Variants in DOLPP1 observed in about 807,000 individuals in gnomAD.
DOLPP1 encodes the protein dolichyl pyrophosphate phosphatase 1.
Under a neutral mutation model 34.1 loss-of-function variants are expected in DOLPP1, and 15 were observed. The ratio of observed to expected loss-of-function variants is 0.44; its 90% CI spans 0.29 to 0.68. DOLPP1 has a LOEUF of 0.68. DOLPP1 is among the 30% of genes least tolerant of loss of function. DOLPP1 has a pLI of 0.12. For missense variants in DOLPP1, 249 were observed against 307.1 expected (o/e 0.81, Z 1.41); for synonymous variants, 130 against 128.2 (o/e 1.01, Z -0.10).
At position 129,089,434 on chromosome 9, in the gene DOLPP1, C is replaced by T. The variant is rs1321622718; in HGVS notation, c.*427C>T. The T allele has an allele frequency of 4.1e-5, 7 of 170,142 alleles. No individual in the cohort carries two copies. Among genetic ancestry groups the T allele is most frequent in the Admixed American group, 2.8e-4 (5 of 17,858 alleles). The allele number at this position is 170,142 out of a possible 1,614,324, so 10.5% of individuals were successfully genotyped here. ...TTTGGAGCTGGAAGAATCTGCTCTC[C>T]GGTGGCTGCCCTGTGAACAGAGGGC... On this transcript the variant is annotated 3_prime_UTR_variant, in exon 8 of 8. Transcript: ENST00000372546. This position sits in a 1 kb window ranked among gnomAD's most constrained non-coding sequence, Gnocchi z 4.9.
At chr9:129,082,205 C>T (rs1479373255) in intron 1 of DOLPP1, among the ~76,000 whole-genome samples, 7 of 152,142 alleles carry the variant, frequency 4.6e-5, no homozygotes, top group Non-Finnish European at 1.5e-5. Context: ...TGCTGTCTTG[C>T]GAGATGTGAG....
In DOLPP1 at chr9:129,081,175, C is replaced by T. The variant is rs927390485; in HGVS notation, c.44C>T (p.Pro15Leu). Residue 15 changes from proline to leucine, a missense_variant, in exon 1 of 8, where the codon CCG becomes CTG. Pro to Leu is a moderately conservative substitution (Grantham distance 98). Coordinates refer to ENST00000372546, the MANE Select transcript of DOLPP1 (RefSeq NM_020438.5). ...TGCTCGCTCCCCGCTTCATGGCGGC[C>T]GGTGACCCTCACCCACGTCGAATAT... ...GQCSLPASWRPVTLTHVEYPA... is the reference protein window; with the variant it reads ...GQCSLPASWRLVTLTHVEYPA... 7 of 1,609,888 alleles carry T rather than the reference C, an allele frequency of 4.3e-6. No homozygotes were observed. The highest frequency in any genetic ancestry group is 1.3e-5 in the African/African-American group (1 of 74,792).
chr9:129,082,710 C>T (rs144732168), intron 1 of DOLPP1, among the ~76,000 whole-genome samples: 2 of 152,316 alleles, frequency 1.3e-5, no homozygotes, highest in Non-Finnish European at 2.9e-5. Context: ...TGGTTCCCTG[C>T]ACTTCTCCGT....
Position 129,086,744 on chromosome 9 carries a change from G to A in DOLPP1, c.626G>A (p.Ser209Asn), listed in dbSNP as rs746619260. 2 of 1,613,988 alleles carry A rather than the reference G, an allele frequency of 1.2e-6. No homozygotes were observed. The highest frequency in any genetic ancestry group is 8.5e-7 in the Non-Finnish European group (1 of 1,180,024). Reference sequence around the variant, plus strand: ...GAGTTCTTCCTAATCCGAGACACAAGCCTCATTCCCAACGTACTCTGGTTT... The same window carrying A: ...GAGTTCTTCCTAATCCGAGACACAAACCTCATTCCCAACGTACTCTGGTTT... Reference protein sequence around the residue: ...VSEFFLIRDTSLIPNVLWFEY... With the variant: ...VSEFFLIRDTNLIPNVLWFEY... The change falls in exon 7 of 8, where the codon AGC becomes AAC. Residue 209 changes from serine to asparagine, a missense_variant. Ser to Asn is a conservative substitution (Grantham distance 46, BLOSUM62 1). Transcript: ENST00000372546.
chr9:129,084,576 C>T, intron 1 of DOLPP1, 92 bp from the exon 2 acceptor site: 2 of 971,596 alleles, frequency 2.1e-6, no homozygotes, highest in South Asian at 1.3e-5. Context: ...CTGCCGGGAC[C>T]TCCTTTCTGG....
chr9:129,085,683 G>C lies in DOLPP1; in HGVS notation c.461+67G>C. Reference sequence around the variant, plus strand: ...GGGGTCCTGCTGGTTCCTGGTCCCTGTCGGACCCCACCATGGACCCTAGTC... The same window carrying C: ...GGGGTCCTGCTGGTTCCTGGTCCCTCTCGGACCCCACCATGGACCCTAGTC... On this transcript the variant is annotated intron_variant, in intron 5 of 7. Coordinates refer to ENST00000372546, the MANE Select transcript of DOLPP1 (RefSeq NM_020438.5). This position sits in a 1 kb window ranked among gnomAD's most constrained non-coding sequence, Gnocchi z 7.0. The C allele has an allele frequency of 2.3e-6, 3 of 1,313,120 alleles. No homozygotes were observed. Among genetic ancestry groups the C allele is most frequent in the Non-Finnish European group, 3.2e-6 (3 of 939,346 alleles). The allele number at this position is 1,313,120 out of a possible 1,614,324, so 81.3% of individuals were successfully genotyped here.
chr9:129,083,055 G>T (rs1846920156), intron 1 of DOLPP1, among the ~76,000 whole-genome samples: 1 of 152,178 alleles, frequency 6.6e-6, no homozygotes, highest in African/African-American at 2.4e-5. Flanking sequence ...AGTAGGACAG[G>T]GCACGATGCG....
In DOLPP1 at chr9:129,085,216, C is replaced by G; in HGVS notation, c.272C>G (p.Thr91Arg). 1.9e-6 allele frequency: 3 copies of G among 1,614,018 alleles called. No individual in the cohort carries two copies. The highest frequency in any genetic ancestry group is 2.5e-6 in the Non-Finnish European group (3 of 1,179,942). Residue 91 changes from threonine to arginine, a missense_variant, in exon 4 of 8, where the codon ACA (threonine) becomes AGA (arginine). Transcript: ENST00000372546. The surrounding 1 kb of genome is among the most constrained non-coding windows in gnomAD (Gnocchi z 7.0). The stretch of plus-strand genomic sequence containing the variant: ...CTCCTCTCTCTCCCAGGCCCCCACA[C>G]AGCAGTGGGCACCAAGTACGGGATG... ...QEPRPCGGPH[T>R]AVGTKYGMPS...
Position 129,086,235 on chromosome 9 carries a change from C to G in DOLPP1, c.558C>G (p.Val186=). ...AIAWFIFTQE[V]LTPLFPRIAA... ...CCTGGTTCATCTTCACCCAGGAGGT[C>G]CTCACCCCGCTGTTCCCCAGGATAG... Residue 186 remains valine (V), a synonymous_variant, in exon 6 of 8, where the codon GTC becomes GTG. Coordinates refer to ENST00000372546, the MANE Select transcript of DOLPP1 (RefSeq NM_020438.5). The G allele has an allele frequency of 6.2e-7, 1 of 1,613,490 alleles. No individual in the cohort carries two copies. Among genetic ancestry groups the G allele is most frequent in the Non-Finnish European group, 8.5e-7 (1 of 1,179,970 alleles).
intron 1 of DOLPP1, among the ~76,000 whole-genome samples, chr9:129,082,393 T>C (rs1034017425): frequency 3.9e-5 from 6 of 152,260 alleles, no homozygotes; most frequent in Non-Finnish European, 8.8e-5. Flanking sequence ...TTCTGAGTGC[T>C]AGGCCCTGGG....
In DOLPP1 at chr9:129,089,323, C is replaced by CGCCTCTG. The variant is rs1169527940; in HGVS notation, c.*318_*324dup. 2.2e-5 allele frequency: 7 copies of CGCCTCTG among 313,302 alleles called. No homozygotes were observed. The highest frequency in any genetic ancestry group is 3.6e-5 in the Non-Finnish European group (6 of 166,012). The allele number at this position is 313,302 out of a possible 1,614,324, so 19.4% of individuals were successfully genotyped here. ...GTGTGGGGTGGAGGAGGAGGGCTCG[C>CGCCTCTG]GCCTCTGGTCTCGGGGCCAGGAATT... On this transcript the variant is annotated 3_prime_UTR_variant, in exon 8 of 8. Coordinates refer to ENST00000372546, the MANE Select transcript of DOLPP1 (RefSeq NM_020438.5). The surrounding 1 kb of genome is among the most constrained non-coding windows in gnomAD (Gnocchi z 4.9).
At chr9:129,084,544 C>A in intron 1 of DOLPP1, 124 bp from the exon 2 acceptor site, 1 of 777,866 alleles carries the variant, frequency 1.3e-6, no homozygotes, top group South Asian at 1.4e-5. Context: ...TCCCTGGCTG[C>A]CTGGCCTCCA....
intron 1 of DOLPP1, among the ~76,000 whole-genome samples, chr9:129,083,376 G>C (rs1846926339): frequency 6.6e-6 from 1 of 152,164 alleles, no homozygotes; most frequent in South Asian, 2.1e-4. Context: ...GCCCAGGAAA[G>C]AGAAGGGACT....
In DOLPP1 at chr9:129,089,352, G is replaced by T; in HGVS notation, c.*345G>T. On this transcript the variant is annotated 3_prime_UTR_variant, in exon 8 of 8. Transcript: ENST00000372546. The surrounding 1 kb of genome is among the most constrained non-coding windows in gnomAD (Gnocchi z 4.9). ...TCTGGTCTCGGGGCCAGGAATTCCA[G>T]GTGGCGTGAGAAGTACACACTATTT... 3.6e-6 allele frequency: 1 copy of T among 275,726 alleles called. No individual in the cohort carries two copies. Among genetic ancestry groups the T allele is most frequent in the Non-Finnish European group, 7.1e-6 (1 of 141,814 alleles). The allele number at this position is 275,726 out of a possible 1,614,324, so 17.1% of individuals were successfully genotyped here. A position where few individuals can be genotyped will look rare whatever the true frequency, so the allele number is the denominator to read the frequency against.
Position 129,086,271 on chromosome 9 carries a change from A to T in DOLPP1, c.590+4A>T. ...TGTTCCCCAGGATAGCAGCCTGGTAACTGCCTCCTGCCTTCCTGGGCACTG... is the reference window on the plus strand; with the variant it reads ...TGTTCCCCAGGATAGCAGCCTGGTATCTGCCTCCTGCCTTCCTGGGCACTG... On this transcript the variant is annotated splice_donor_region_variant and intron_variant, in intron 6 of 7. Transcript: ENST00000372546. The T allele has an allele frequency of 6.2e-7, 1 of 1,612,972 alleles. No individual in the cohort carries two copies. The highest frequency in any genetic ancestry group is 8.5e-7 in the Non-Finnish European group (1 of 1,179,816).
At chr9:129,086,835 C>T (rs1228522836) in intron 7 of DOLPP1, 37 bp downstream of exon 7, 1 of 1,585,222 alleles carries the variant, frequency 6.3e-7, no homozygotes, top group South Asian at 1.1e-5. Flanking sequence ...CTGGGCCAGC[C>T]ACAGGCAGCC....
Position 129,085,724 on chromosome 9 carries a change from C to A in DOLPP1, c.461+108C>A. On this transcript the variant is annotated intron_variant, in intron 5 of 7. Coordinates refer to ENST00000372546, the MANE Select transcript of DOLPP1 (RefSeq NM_020438.5). The surrounding 1 kb of genome is among the most constrained non-coding windows in gnomAD (Gnocchi z 7.0). ...GACCCTAGTCCCAGAACCTGTAGTGCAGGACTGGAAAAGGGGTCCCAGACC... is the reference window on the plus strand; with the variant it reads ...GACCCTAGTCCCAGAACCTGTAGTGAAGGACTGGAAAAGGGGTCCCAGACC... 1 of 869,292 alleles carries A rather than the reference C, an allele frequency of 1.2e-6. No homozygotes were observed. Among genetic ancestry groups the A allele is most frequent in the Non-Finnish European group, 1.7e-6 (1 of 571,932 alleles). The allele number at this position is 869,292 out of a possible 1,614,324, so 53.8% of individuals were successfully genotyped here. A position where few individuals can be genotyped will look rare whatever the true frequency, so the allele number is the denominator to read the frequency against.
Position 129,081,226 on chromosome 9 carries a change from T to C in DOLPP1, c.76+19T>C. The C allele has an allele frequency of 6.2e-7, 1 of 1,606,326 alleles. No homozygotes were observed. The highest frequency in any genetic ancestry group is 2.3e-5 in the East Asian group (1 of 44,370). On this transcript the variant is annotated intron_variant, in intron 1 of 7. Transcript: ENST00000372546. ...CCTGCAGGTAAAAGGCGGTCCCGGC[T>C]CCAAGGACGCCTTCCCAGGGACGGC...
chr9:129,086,355 C>T (rs1469796889), intron 6 of DOLPP1, 88 bp downstream of exon 6: 5 of 1,497,238 alleles, frequency 3.3e-6, no homozygotes, highest in African/African-American at 1.4e-5. Flanking sequence ...GAGTCTTGAC[C>T]CCAGCCCCTG....
Sources: gnomAD v4.1 joint callset for allele counts (sites outside exome capture counted in the v4.1 genomes callset) on GRCh38, gnomAD v4.1.1 for gene constraint, Gnocchi (gnomAD v3.1) non-coding constraint, MANE v1.5 for transcripts, NCBI Gene and HGNC (gene_info 2026-07-23, HGNC 2026-07-21) for gene names.